The following POU2F3 variants were observed in gnomAD, a reference collection of about 807,000 sequenced individuals.
The protein encoded by POU2F3 is POU domain, class 2, transcription factor 3.
A neutral mutation model predicts 59.2 loss-of-function variants in POU2F3; 23 were observed. That is an observed-to-expected ratio of 0.39 (90% CI 0.28 to 0.55). POU2F3 has a LOEUF of 0.55. Ranked by LOEUF, POU2F3 falls within the 20% of genes least tolerant of loss-of-function variation. The pLI is 0.66. For synonymous variants in POU2F3, 190 were observed against 214.6 expected, an observed-to-expected ratio of 0.89 and a Z score of 1.00; for missense variants, 473 against 544.5, an observed-to-expected ratio of 0.87 and a Z score of 1.31.
intron 3 of POU2F3, among the ~76,000 whole-genome samples, chr11:120,281,468 C>T (rs1033323661): frequency 6.6e-6 from 1 of 151,882 alleles, no homozygotes; most frequent in African/African-American, 2.4e-5. Flanking sequence ...CCAAATCCAG[C>T]TTGTCCCACT....
intron 3 of POU2F3, among the ~76,000 whole-genome samples, chr11:120,278,385 C>A (rs1012155952): frequency 6.6e-6 from 1 of 152,284 alleles, no homozygotes; most frequent in Admixed American, 6.5e-5. Flanking sequence ...GAAAACATCT[C>A]CCGGGGTAGC....
At chr11:120,299,775 C>A in intron 5 of POU2F3, 49 bp downstream of exon 5, 2 of 1,505,814 alleles carry the variant, frequency 1.3e-6, no homozygotes, top group South Asian at 1.2e-5. Flanking sequence ...TCAAGTGCTG[C>A]TGTTGCTGCT....
intron 6 of POU2F3, 59 bp from the exon 7 acceptor site, chr11:120,304,971 A>AAAAAAAAAAT: frequency 1.0e-6 from 1 of 991,260 alleles, no homozygotes; most frequent in Non-Finnish European, 1.4e-6. Context: ...AAAAAAAAAA[A>AAAAAAAAAAT]TCAGAAAATG....
intron 2 of POU2F3, among the ~76,000 whole-genome samples, chr11:120,252,845 C>G (rs754953618): frequency 9.9e-5 from 15 of 152,106 alleles, no homozygotes; most frequent in Non-Finnish European, 1.5e-4. Flanking sequence ...GTTGGCTAGC[C>G]CTGCCCGACA....
chr11:120,241,502 T>A (rs1298548952), intron 1 of POU2F3, among the ~76,000 whole-genome samples: 2 of 152,134 alleles, frequency 1.3e-5, no homozygotes, highest in Non-Finnish European at 2.9e-5. Context: ...AGTGAGATGT[T>A]GGCACTGAGT....
upstream of POU2F3, among the ~76,000 whole-genome samples, chr11:120,239,160 G>A (rs1938573438): frequency 4.6e-5 from 7 of 152,238 alleles, no homozygotes; most frequent in Admixed American, 4.6e-4. Context: ...ATGGGACTAA[G>A]GAGAAGACAT....
At chr11:120,311,560 T>A (rs774254879) in intron 10 of POU2F3, among the ~76,000 whole-genome samples, 2 of 152,102 alleles carry the variant, frequency 1.3e-5, no homozygotes, top group Non-Finnish European at 2.9e-5. Context: ...GGTATTGCCA[T>A]TTACAGAACA....
chr11:120,302,329 TCTC>T lies in POU2F3; in HGVS notation c.413_415del (p.Leu138del), dbSNP rs1941370245. 5.0e-6 allele frequency: 8 copies of T among 1,613,080 alleles called. No homozygotes were observed. Among genetic ancestry groups the T allele is most frequent in the South Asian group, 1.1e-5 (1 of 91,000 alleles). On this transcript the variant is annotated inframe_deletion, in exon 6 of 13. Coordinates refer to ENST00000543440, the MANE Select transcript of POU2F3 (RefSeq NM_014352.4). ...TCCCCTTTCCACAGCAACAAAGCGGTCTCCTCCTCCCACAGACTGGGCCGGGAC... is the reference window on the plus strand; with the variant it reads ...TCCCCTTTCCACAGCAACAAAGCGGTCTCCTCCCACAGACTGGGCCGGGAC...
chr11:120,241,058 C>T (rs540862835), intron 1 of POU2F3, among the ~76,000 whole-genome samples: 1 of 152,332 alleles, frequency 6.6e-6, no homozygotes, highest in East Asian at 1.9e-4. Flanking sequence ...AACCCAGCCC[C>T]TCCATTCACC....
At chr11:120,281,475 C>A (rs551708638) in intron 3 of POU2F3, among the ~76,000 whole-genome samples, 2 of 151,922 alleles carry the variant, frequency 1.3e-5, no homozygotes, top group South Asian at 4.2e-4. Context: ...CAGCTTGTCC[C>A]ACTGATCACC....
At chr11:120,273,170 A>G (rs1175832473) in intron 3 of POU2F3, among the ~76,000 whole-genome samples, 2 of 152,232 alleles carry the variant, frequency 1.3e-5, no homozygotes, top group Non-Finnish European at 2.9e-5. Flanking sequence ...TGTGTGAGCC[A>G]GCGAAAAGAA....
chr11:120,280,925 G>T (rs1940541380), intron 3 of POU2F3, among the ~76,000 whole-genome samples: 1 of 152,142 alleles, frequency 6.6e-6, no homozygotes, highest in Non-Finnish European at 1.5e-5. Flanking sequence ...CTGGGCCTGT[G>T]CGTGAGAAGG....
chr11:120,239,181 A>T (rs545538190), upstream of POU2F3, among the ~76,000 whole-genome samples: 3 of 152,346 alleles, frequency 2.0e-5, no homozygotes, highest in East Asian at 5.8e-4. Context: ...GTTCATGAGG[A>T]GTCCTGTCTG....
intron 2 of POU2F3, chr11:120,257,128 C>G (rs1052193563): frequency 4.6e-5 from 7 of 152,118 alleles, no homozygotes; most frequent in Non-Finnish European, 1.0e-4. Context: ...CTAATTAATC[C>G]TTATTATTTG....
At chr11:120,317,189 G>A in intron 11 of POU2F3, 40 bp from the exon 12 acceptor site, 3 of 1,611,380 alleles carry the variant, frequency 1.9e-6, no homozygotes, top group Non-Finnish European at 2.5e-6. Flanking sequence ...GGATCCAGCA[G>A]CATTATTTCC....
Position 120,300,869 on chromosome 11 carries a change from C to T in POU2F3, c.361+1143C>T, listed in dbSNP as rs114565704. Reference sequence around the variant, plus strand: ...CCAAACAAAATGCAACTCTGCCTTCCGCCCTTAGCACCTGCACAAATGACA... The same window carrying T: ...CCAAACAAAATGCAACTCTGCCTTCTGCCCTTAGCACCTGCACAAATGACA... On this transcript the variant is annotated intron_variant, in intron 5 of 12. Transcript: ENST00000543440. The T allele has an allele frequency of 4.5e-3, 1,516 of 334,210 alleles. 20 individuals carry two copies. Among genetic ancestry groups the T allele is most frequent in the African/African-American group, 0.028 (1,306 of 46,384 alleles). The allele number at this position is 334,210 out of a possible 1,614,324, so 20.7% of individuals were successfully genotyped here. A position where few individuals can be genotyped will look rare whatever the true frequency, so the allele number is the denominator to read the frequency against.
intron 2 of POU2F3, among the ~76,000 whole-genome samples, chr11:120,260,070 C>T (rs567618139): frequency 6.6e-6 from 1 of 152,354 alleles, no homozygotes; most frequent in East Asian, 1.9e-4. Context: ...CTGGGTTATA[C>T]TGGAAAGTAG....
chr11:120,269,657 G>A (rs1939979035), intron 3 of POU2F3, among the ~76,000 whole-genome samples: 1 of 152,140 alleles, frequency 6.6e-6, no homozygotes, highest in Non-Finnish European at 1.5e-5. Context: ...TGATTTAAAG[G>A]AAGAAGCTAG....
At chr11:120,242,298 C>A (rs1422113486) in intron 1 of POU2F3, among the ~76,000 whole-genome samples, 1 of 152,146 alleles carries the variant, frequency 6.6e-6, no homozygotes. Context: ...CTGGGTCCTC[C>A]TGGTGGCCTT....
Sources: allele counts gnomAD v4.1 joint callset (sites outside exome capture counted in the v4.1 genomes callset), GRCh38; gene constraint gnomAD v4.1.1; transcripts MANE v1.5; gene names NCBI Gene and HGNC (gene_info 2026-07-23, HGNC 2026-07-21).